The following FFAR4 variants were observed in gnomAD, a reference collection of about 807,000 sequenced individuals.
The protein encoded by FFAR4 is free fatty acid receptor 4.
FFAR4 carries 19 observed loss-of-function variants against 27.0 expected under a neutral mutation model. That is an observed-to-expected ratio of 0.70 (90% confidence interval 0.49 to 1.03). The LOEUF is 1.03. Among genes scored for constraint, FFAR4 ranks in the 50% least tolerant of loss-of-function variants. The pLI, the probability that FFAR4 is intolerant of heterozygous loss-of-function variation, is 0.00. For missense variants in FFAR4, 476 were observed against 479.0 expected (o/e 0.99, Z 0.06); for synonymous variants, 254 against 215.6 (o/e 1.18, Z -1.56).
rs531171556 is a variant in FFAR4, at chr10:93,573,033, C to T, written c.568-3058C>T. On this transcript the variant is annotated intron_variant, in intron 1 of 2. Coordinates refer to ENST00000371481, the MANE Select transcript of FFAR4 (RefSeq NM_001195755.2). Reference sequence around the variant, plus strand: ...GCTCCAGCCTCCCTATGCCCCTGGCCGCGGTCCTTCCAGGCATAGCAGAAA... The same window carrying T: ...GCTCCAGCCTCCCTATGCCCCTGGCTGCGGTCCTTCCAGGCATAGCAGAAA... Among the ~76,000 whole-genome samples the T allele has an allele frequency of 3.3e-5, 5 of 152,290 alleles. No individual in the cohort carries two copies. The East Asian group carries it at 7.7e-4, about 24-fold the overall frequency.
At chr10:93,578,226 C>T (rs1010719230) in intron 2 of FFAR4, among the ~76,000 whole-genome samples, 1 of 151,716 alleles carries the variant, frequency 6.6e-6, no homozygotes, top group Non-Finnish European at 1.5e-5. Context: ...AGGCCAGCCT[C>T]GCCAACATGG....
Position 93,576,099 on chromosome 10 carries a change from G to A in FFAR4, c.576G>A (p.Ser192=), listed in dbSNP as rs377477484. ...QRLPGADQEI[S]ICTLIWPTIP... ...TTCCTTTTTGTAACTAGGAAATTTC[G>A]ATTTGCACACTGATTTGGCCCACCA... The change falls in exon 2 of 3, where the codon TCG becomes TCA. Residue 192 remains serine, a synonymous_variant. Coordinates refer to ENST00000371481, the MANE Select transcript of FFAR4 (RefSeq NM_001195755.2). 1.0e-4 allele frequency: 166 copies of A among 1,613,794 alleles called. No individual in the cohort carries two copies. Among genetic ancestry groups the A allele is most frequent in the African/African-American group, 2.9e-4 (22 of 75,018 alleles).
At chr10:93,576,303 A>G (rs1300884827) in intron 2 of FFAR4, 84 bp downstream of exon 2, 4 of 1,446,136 alleles carry the variant, frequency 2.8e-6, no homozygotes, top group Non-Finnish European at 3.9e-6. Context: ...GGGGTCGGAG[A>G]ACACCTAAGA....
chr10:93,583,080 G>A (rs2058207756), intron 2 of FFAR4, among the ~76,000 whole-genome samples: 1 of 151,946 alleles, frequency 6.6e-6, no homozygotes, highest in African/African-American at 2.4e-5. Context: ...TAGGGATACA[G>A]ATCCAAACCA....
chr10:93,583,075 A>T (rs1343882472), intron 2 of FFAR4, among the ~76,000 whole-genome samples: 1 of 151,930 alleles, frequency 6.6e-6, no homozygotes. Context: ...TTGGTTAGGG[A>T]TACAGATCCA....
rs762326870 is a variant in FFAR4 at position 93,578,416 on chromosome 10, CAAAA to C, written c.696+2219_696+2222del. ...TGGGCAACAAAGTGAGATTCCCTCT[CAAAA>C]AAAAAAAAAAAAAAAAAAAAACGAG... is the stretch of plus-strand genomic sequence containing the variant. On this transcript the variant is annotated intron_variant, in intron 2 of 2. Coordinates refer to ENST00000371481, the MANE Select transcript of FFAR4 (RefSeq NM_001195755.2). Among the ~76,000 whole-genome samples the C allele has an allele frequency of 8.4e-3, 503 of 60,182 alleles. 2 individuals carry two copies. The highest frequency in any genetic ancestry group is 0.028 in the African/African-American group (472 of 16,618). 39.5% of individuals were successfully genotyped at this position (60,182 alleles called of 152,430 possible).
chr10:93,589,941 T>C lies in FFAR4; in HGVS notation c.*2332T>C, dbSNP rs2058252826. 2.0e-5 allele frequency: 3 copies of C among 152,178 alleles called. No individual in the cohort carries two copies. In the South Asian group the frequency reaches 6.2e-4, roughly 32 times the overall value. The allele number at this position is 152,178 out of a possible 1,614,324, so 9.4% of individuals were successfully genotyped here. ...ATCAGCACCAGCAGTAGTGACTGCTTATGCAGTTTCTGGAGCAGCTTGCTT... is the reference window on the plus strand; with the variant it reads ...ATCAGCACCAGCAGTAGTGACTGCTCATGCAGTTTCTGGAGCAGCTTGCTT... On this transcript the variant is annotated 3_prime_UTR_variant, in exon 3 of 3. Transcript: ENST00000371481.
intron 1 of FFAR4, among the ~76,000 whole-genome samples, chr10:93,574,105 G>A (rs543301722): frequency 7.9e-5 from 12 of 152,200 alleles, no homozygotes; most frequent in Middle Eastern, 3.4e-3. Context: ...GTGTGTGTGC[G>A]TGTGTGTGTT....
chr10:93,579,142 A>G, intron 2 of FFAR4: 1 of 1,613,708 alleles, frequency 6.2e-7, no homozygotes, highest in Non-Finnish European at 8.5e-7. Flanking sequence ...GCCGGCCTTC[A>G]CTTCTCCCCA....
intron 1 of FFAR4, among the ~76,000 whole-genome samples, chr10:93,568,216 T>C (rs764255549): frequency 9.2e-5 from 14 of 152,180 alleles, no homozygotes; most frequent in African/African-American, 3.4e-4. Flanking sequence ...AGAGGGAATC[T>C]AGACGCGGAG....
intron 2 of FFAR4, among the ~76,000 whole-genome samples, chr10:93,586,856 T>C (rs2058230261): frequency 6.6e-6 from 1 of 152,194 alleles, no homozygotes. Flanking sequence ...TCTTCATTTG[T>C]TCCCCATCAG....
chr10:93,567,140 C>A lies in FFAR4; in HGVS notation c.420C>A (p.Ile140=). The A allele has an allele frequency of 3.7e-6, 6 of 1,607,008 alleles. No homozygotes were observed. The highest frequency in any genetic ancestry group is 4.2e-6 in the Non-Finnish European group (5 of 1,178,506). Residue 140 remains isoleucine (I), a synonymous_variant, in exon 1 of 3, where the codon ATC becomes ATA. Coordinates refer to ENST00000371481, the MANE Select transcript of FFAR4 (RefSeq NM_001195755.2). ...TCAGCCTGGAGCGCATGGTGTGCAT[C>A]GTGCACCTGCAGCGCGGCGTGCGGG... ...AAVSLERMVC[I]VHLQRGVRGP...
chr10:93,566,866 T>C lies in FFAR4; in HGVS notation c.146T>C (p.Leu49Pro). Residue 49 changes from leucine (L) to proline (P), a missense_variant, in exon 1 of 3, where the codon CTC (leucine) becomes CCC (proline). By Grantham distance (98) the Leu-to-Pro change is moderately conservative. Coordinates refer to ENST00000371481, the MANE Select transcript of FFAR4 (RefSeq NM_001195755.2). ...LAAVETTVLV[L>P]IFAVSLLGNV... ...GCGGTGGAGACAACCGTGCTGGTGC[T>C]CATCTTTGCAGTGTCGCTGCTGGGC... 1 of 1,602,276 alleles carries C rather than the reference T, an allele frequency of 6.2e-7. No individual in the cohort carries two copies. The highest frequency in any genetic ancestry group is 8.5e-7 in the Non-Finnish European group (1 of 1,175,902).
chr10:93,568,169 G>C (rs924145390), intron 1 of FFAR4, among the ~76,000 whole-genome samples: 1 of 151,252 alleles, frequency 6.6e-6, no homozygotes, highest in African/African-American at 2.4e-5. Context: ...CGCTTTGCCC[G>C]GTGGTTGCAG....
At chr10:93,586,810 C>A (rs779147673) in intron 2 of FFAR4, among the ~76,000 whole-genome samples, 1 of 152,158 alleles carries the variant, frequency 6.6e-6, no homozygotes. Context: ...TAGTCACCTC[C>A]CAGGGTGGAA....
intron 1 of FFAR4, among the ~76,000 whole-genome samples, chr10:93,573,631 A>G (rs2058145024): frequency 6.6e-6 from 1 of 152,186 alleles, no homozygotes; most frequent in South Asian, 2.1e-4. Context: ...CCTTCTAAAG[A>G]GCATGTCAAT....
chr10:93,568,227 T>C (rs898564455), intron 1 of FFAR4, among the ~76,000 whole-genome samples: 1 of 151,878 alleles, frequency 6.6e-6, no homozygotes, highest in African/African-American at 2.4e-5. Context: ...AGACGCGGAG[T>C]CACGGTGGAG....
At chr10:93,567,702 GCC>G (rs1712971797) in intron 1 of FFAR4, among the ~76,000 whole-genome samples, 1 of 152,090 alleles carries the variant, frequency 6.6e-6, no homozygotes, top group Non-Finnish European at 1.5e-5. Context: ...ATAATAACTT[GCC>G]CAGAGTATTT....
chr10:93,589,845 G>A lies in FFAR4; in HGVS notation c.*2236G>A, dbSNP rs975400084. 1 of 152,202 alleles carries A rather than the reference G, an allele frequency of 6.6e-6. No individual in the cohort carries two copies. The highest frequency in any genetic ancestry group is 2.4e-5 in the African/African-American group (1 of 41,450). 9.4% of individuals were successfully genotyped at this position (152,202 alleles called of 1,614,324 possible). On this transcript the variant is annotated 3_prime_UTR_variant, in exon 3 of 3. Transcript: ENST00000371481. ...ACTCCACCACTTGGAGGCTGGGCCAGTGGCTGGAATGCACAGCAGCACGGG... is the reference window on the plus strand; with the variant it reads ...ACTCCACCACTTGGAGGCTGGGCCAATGGCTGGAATGCACAGCAGCACGGG...
Sources: allele counts gnomAD v4.1 joint callset (sites outside exome capture counted in the v4.1 genomes callset), GRCh38; gene constraint gnomAD v4.1.1; transcripts MANE v1.5; gene names NCBI Gene and HGNC (gene_info 2026-07-23, HGNC 2026-07-21).